The following LAMB1 variants were observed in gnomAD, a reference collection of about 807,000 sequenced individuals.
LAMB1 encodes laminin subunit beta 1.
Under a neutral mutation model 222.3 loss-of-function variants are expected in LAMB1, and 121 were observed. That is an observed-to-expected ratio of 0.54 (90% CI 0.47 to 0.63). The LOEUF is 0.63. LAMB1 is among the 30% of genes least tolerant of loss of function. The pLI is 0.00. For missense variants in LAMB1, 2,172 were observed against 2,240.8 expected (o/e 0.97, Z 0.62); for synonymous variants, 794 against 807.2 (o/e 0.98, Z 0.28).
At chr7:107,938,909 A>T (rs933425657) in intron 25 of LAMB1, among the ~76,000 whole-genome samples, 8 of 152,226 alleles carry the variant, frequency 5.3e-5, no homozygotes, top group Admixed American at 5.2e-4. Context: ...GACCTCCTTC[A>T]AGTCGCTTGA....
chr7:107,976,121 G>A (rs112290322), intron 9 of LAMB1, among the ~76,000 whole-genome samples: 1 of 152,210 alleles, frequency 6.6e-6, no homozygotes, highest in Admixed American at 6.5e-5. Context: ...CTGTGGAAGA[G>A]AATGGGCTAT....
chr7:107,978,549 T>C (rs77819328), intron 8 of LAMB1, among the ~76,000 whole-genome samples: 244 of 152,078 alleles, frequency 1.6e-3, no homozygotes, highest in African/African-American at 5.6e-3. Flanking sequence ...ACTAAATGCA[T>C]ACATACCACC....
Position 107,926,262 on chromosome 7 carries a change from G to A in LAMB1, c.4985C>T (p.Ala1662Val), listed in dbSNP as rs771596146. 5.6e-6 allele frequency: 9 copies of A among 1,613,870 alleles called. No individual in the cohort carries two copies. The highest frequency in any genetic ancestry group is 1.3e-5 in the African/African-American group (1 of 74,926). ...TTCTGCCTCCCCGGAGTTTTGGGCA[G>A]CTTTCCGCTTAAGTTCTTCCACATT... ...ERNVEELKRK[A>V]AQNSGEAEYI... The change falls in exon 32 of 34, where the codon GCT becomes GTT. Residue 1662 changes from alanine to valine, a missense_variant. Physicochemically the swap from Ala to Val is moderately conservative, Grantham distance 64. Coordinates refer to ENST00000222399, the MANE Select transcript of LAMB1 (RefSeq NM_002291.3).
At chr7:107,958,151 C>T (rs2033417277) in intron 20 of LAMB1, among the ~76,000 whole-genome samples, 1 of 152,134 alleles carries the variant, frequency 6.6e-6, no homozygotes, top group East Asian at 1.9e-4. Context: ...TATTCTCCAT[C>T]TCTCTTTGAA....
chr7:107,961,235 C>T lies in LAMB1; in HGVS notation c.2080G>A (p.Val694Met), dbSNP rs753587933. The T allele has an allele frequency of 1.2e-5, 20 of 1,613,924 alleles. No homozygotes were observed. Among genetic ancestry groups the T allele is most frequent in the South Asian group, 6.6e-5 (6 of 91,076 alleles). Reference sequence around the variant, plus strand: ...TCGATCAGCGTGTAGGGGCTCTCCACGTCGCTATCAGAGGAGGTGTACTGA... The same window carrying T: ...TCGATCAGCGTGTAGGGGCTCTCCATGTCGCTATCAGAGGAGGTGTACTGA... The part of the protein sequence containing the change: ...LPQYTSSDSD[V>M]ESPYTLIDSL... The change falls in exon 17 of 34, where the codon GTG becomes ATG. Residue 694 changes from valine to methionine, a missense_variant. Transcript: ENST00000222399.
chr7:107,994,855 T>G (rs757039894), intron 5 of LAMB1, 32 bp downstream of exon 5: 3 of 1,256,900 alleles, frequency 2.4e-6, no homozygotes, highest in Admixed American at 1.7e-5. Context: ...TGCTCTCATG[T>G]GTCATTTGTG....
At position 107,935,343 on chromosome 7, in the gene LAMB1, C is replaced by CTTTTTTTTT. The variant is rs2032816386; in HGVS notation, c.4188+71_4188+72insAAAAAAAAA. 5.8e-6 allele frequency: 8 copies of CTTTTTTTTT among 1,371,966 alleles called. No individual in the cohort carries two copies. In the African/African-American group the frequency reaches 1.9e-4, roughly 33 times the overall value. 85.0% of individuals were successfully genotyped at this position (1,371,966 alleles called of 1,614,324 possible). On this transcript the variant is annotated intron_variant, in intron 27 of 33. Transcript: ENST00000222399. ...TAATGACAAAAGATGGTTTGTTTTT[C>CTTTTTTTTT]TTTGTTTTTTTTTTTTTTTTTTTTT...
Position 107,959,804 on chromosome 7 carries a change from C to T in LAMB1, c.2345G>A (p.Ser782Asn). 6.2e-7 allele frequency: 1 copy of T among 1,613,804 alleles called. No individual in the cohort carries two copies. The highest frequency in any genetic ancestry group is 8.5e-7 in the Non-Finnish European group (1 of 1,179,894). The change falls in exon 19 of 34, where the codon AGT becomes AAT. Residue 782 changes from serine (S) to asparagine (N), a missense_variant. Physicochemically the swap from Ser to Asn is conservative, Grantham distance 46. Transcript: ENST00000222399. ...GCCTCCGTTGGGATCACACACGGAA[C>T]TTAACGAACCCTGAGGGTCGCATTC... ...ACECDPQGSL[S>N]SVCDPNGGQC...
chr7:107,935,330 A>G (rs1283711623), intron 27 of LAMB1, 85 bp downstream of exon 27: 2 of 1,499,360 alleles, frequency 1.3e-6, no homozygotes, highest in Non-Finnish European at 1.8e-6. Flanking sequence ...ATGACAAAAG[A>G]TGGTTTGTTT....
chr7:107,932,104 T>G, intron 28 of LAMB1, 70 bp downstream of exon 28: 1 of 1,361,004 alleles, frequency 7.3e-7, no homozygotes, highest in Non-Finnish European at 1.1e-6. Context: ...GATTTCTCCC[T>G]TTCAGATCCT....
At position 108,002,889 on chromosome 7, in the gene LAMB1, G is replaced by T. The variant is rs778105524; in HGVS notation, c.-4C>A. ...CTAGCAACTGGAGAAGCCCCATGCCGGCTCCCTGCAGCCACGGGGACGCGG... is the reference window on the plus strand; with the variant it reads ...CTAGCAACTGGAGAAGCCCCATGCCTGCTCCCTGCAGCCACGGGGACGCGG... On this transcript the variant is annotated 5_prime_UTR_variant, in exon 2 of 34. Coordinates refer to ENST00000222399, the MANE Select transcript of LAMB1 (RefSeq NM_002291.3). The T allele has an allele frequency of 1.9e-6, 3 of 1,613,868 alleles. No homozygotes were observed. The African/African-American group carries it at 4.0e-5, about 22-fold the overall frequency.
chr7:107,960,607 C>G lies in LAMB1; in HGVS notation c.2152G>C (p.Val718Leu), dbSNP rs142742847. 1 of 1,614,108 alleles carries G rather than the reference C, an allele frequency of 6.2e-7. No individual in the cohort carries two copies. ...PYCKSLDIFT[V>L]GGSGDGVVTN... Reference sequence around the variant, plus strand: ...ACCACCCCATCTCCTGAACCTCCCACGGTGAAGATGTCCAGTGATTTACAG... The same window carrying G: ...ACCACCCCATCTCCTGAACCTCCCAGGGTGAAGATGTCCAGTGATTTACAG... The change falls in exon 18 of 34, where the codon GTG becomes CTG. Residue 718 changes from valine to leucine, a missense_variant. Val to Leu is a conservative substitution (Grantham distance 32, BLOSUM62 1). Transcript: ENST00000222399.
rs1464901556 is a variant in LAMB1, at chr7:107,937,255, CT to C, written c.3783del (p.Glu1262LysfsTer2). 1 of 1,613,540 alleles carries C rather than the reference CT, an allele frequency of 6.2e-7. No individual in the cohort carries two copies. The highest frequency in any genetic ancestry group is 8.5e-7 in the Non-Finnish European group (1 of 1,179,754). On this transcript the variant is annotated frameshift_variant, in exon 26 of 34. Transcript: ENST00000222399. LOFTEE classifies it high-confidence loss of function. Reference sequence around the variant, plus strand: ...TTCACTTCTACTTGAGCCATCATTTCTGTAACATCTTTAATCAGTTTCCTGT... The same window carrying C: ...TTCACTTCTACTTGAGCCATCATTTCGTAACATCTTTAATCAGTTTCCTGT... ...EEAEKLIKDV[T>X]EMMAQVEVKL...
chr7:107,933,587 A>G (rs1026207829), intron 27 of LAMB1, among the ~76,000 whole-genome samples: 2 of 151,076 alleles, frequency 1.3e-5, no homozygotes, highest in Non-Finnish European at 2.9e-5. Context: ...TTGTTTCAAC[A>G]GATGGGGCAG....
chr7:107,933,893 C>G (rs190720810), intron 27 of LAMB1, among the ~76,000 whole-genome samples: 23 of 152,254 alleles, frequency 1.5e-4, no homozygotes, highest in Non-Finnish European at 2.2e-4. Flanking sequence ...CATCTCCCTG[C>G]CGCCCACGGA....
rs1380780411 is a variant in LAMB1, at chr7:108,001,951, G to A, written c.38-218C>T. Reference sequence around the variant, plus strand: ...AGGACACGGAAAGAAACCCACACACGTCATCAGGTCTGTCCAGCAGCGAGA... The same window carrying A: ...AGGACACGGAAAGAAACCCACACACATCATCAGGTCTGTCCAGCAGCGAGA... On this transcript the variant is annotated intron_variant, in intron 2 of 33. Transcript: ENST00000222399. 4.1e-6 allele frequency: 6 copies of A among 1,452,646 alleles called. No homozygotes were observed. The African/African-American group carries it at 8.6e-5, about 21-fold the overall frequency. The allele number at this position is 1,452,646 out of a possible 1,614,324, so 90.0% of individuals were successfully genotyped here.
Position 107,937,016 on chromosome 7 carries a change from C to T in LAMB1, c.3946+77G>A, listed in dbSNP as rs558166019. Reference sequence around the variant, plus strand: ...TTTATTAGAAAACTTTTTTTTTTCCCCAAAAGTGCTATATTAAAACGTTAG... The same window carrying T: ...TTTATTAGAAAACTTTTTTTTTTCCTCAAAAGTGCTATATTAAAACGTTAG... On this transcript the variant is annotated intron_variant, in intron 26 of 33. Coordinates refer to ENST00000222399, the MANE Select transcript of LAMB1 (RefSeq NM_002291.3). 91 of 1,220,260 alleles carry T rather than the reference C, an allele frequency of 7.5e-5. 1 individual carries two copies. The South Asian group carries it at 1.5e-3, about 20-fold the overall frequency. 75.6% of individuals were successfully genotyped at this position (1,220,260 alleles called of 1,614,324 possible).
intron 24 of LAMB1, among the ~76,000 whole-genome samples, chr7:107,941,741 G>C (rs2032986567): frequency 7.1e-6 from 1 of 141,266 alleles, no homozygotes; most frequent in African/African-American, 2.7e-5. Context: ...TGCAACCTCT[G>C]CCTCCTGGCT....
chr7:107,962,104 C>T (rs2033517543), intron 15 of LAMB1, among the ~76,000 whole-genome samples: 1 of 152,238 alleles, frequency 6.6e-6, no homozygotes, highest in Non-Finnish European at 1.5e-5. Context: ...TCCACTCACA[C>T]TATTTCTTAC....
Sources: gnomAD v4.1 joint callset for allele counts (sites outside exome capture counted in the v4.1 genomes callset) on GRCh38, gnomAD v4.1.1 for gene constraint, MANE v1.5 for transcripts, NCBI Gene and HGNC (gene_info 2026-07-23, HGNC 2026-07-21) for gene names.